The following FHIT variants were observed in gnomAD, a reference collection of about 807,000 sequenced individuals.
FHIT encodes fragile histidine triad diadenosine triphosphatase.
A neutral mutation model predicts 17.9 loss-of-function variants in FHIT; 19 were observed. That is an observed-to-expected ratio of 1.06 (90% CI 0.74 to 1.56). FHIT has a LOEUF of 1.56. Ranked by LOEUF, FHIT falls within the 40% of genes most tolerant of loss-of-function variation. FHIT has a pLI of 0.00. For missense variants in FHIT, 248 were observed against 189.2 expected, an observed-to-expected ratio of 1.31 and a Z score of -1.82; for synonymous variants, 81 against 69.7, an observed-to-expected ratio of 1.16 and a Z score of -0.81.
intron 3 of FHIT, among the ~76,000 whole-genome samples, chr3:61,002,322 G>A (rs2031148835): frequency 6.6e-6 from 1 of 152,302 alleles, no homozygotes; most frequent in South Asian, 2.1e-4. Context: ...GGAGTGCAGT[G>A]GCCCAAGCAC....
At chr3:60,845,584 G>A (rs1004481455) in intron 3 of FHIT, among the ~76,000 whole-genome samples, 16 of 152,078 alleles carry the variant, frequency 1.1e-4, no homozygotes, top group Non-Finnish European at 1.8e-4. Context: ...TTTCACTTGC[G>A]ATGCTATCTT....
chr3:60,097,159 T>C (rs1366431496), intron 5 of FHIT, among the ~76,000 whole-genome samples: 1 of 151,828 alleles, frequency 6.6e-6, no homozygotes, highest in Admixed American at 6.6e-5. Context: ...ACCCCCAAAT[T>C]TTAGTCCAGT....
chr3:60,084,072 T>A (rs889389119), intron 5 of FHIT, among the ~76,000 whole-genome samples: 1 of 152,230 alleles, frequency 6.6e-6, no homozygotes, highest in African/African-American at 2.4e-5. Flanking sequence ...TCACTTTTTT[T>A]AACAAAATAT....
intron 5 of FHIT, among the ~76,000 whole-genome samples, chr3:60,439,824 CAAGTGTCTTTGGGCTTGTTCAAAAGT>C (rs1292912413): frequency 6.6e-6 from 1 of 152,106 alleles, no homozygotes; most frequent in Non-Finnish European, 1.5e-5. Flanking sequence ...ACAAAAGATG[CAAGTGTCTTTGGGCTTGTTCAAAAGT>C]ACACCCCTTC....
chr3:60,406,073 G>C (rs550862154), intron 5 of FHIT, among the ~76,000 whole-genome samples: 1 of 152,288 alleles, frequency 6.6e-6, no homozygotes, highest in South Asian at 2.1e-4. Flanking sequence ...AAAGCCGCAT[G>C]TCTGCACATA....
At chr3:60,875,755 A>T (rs552938036) in intron 3 of FHIT, among the ~76,000 whole-genome samples, 2 of 152,238 alleles carry the variant, frequency 1.3e-5, no homozygotes, top group East Asian at 3.9e-4. Context: ...GATTATGATC[A>T]TTATCTCTAC....
At chr3:59,873,485 C>G (rs1418046199) in intron 8 of FHIT, among the ~76,000 whole-genome samples, 1 of 152,184 alleles carries the variant, frequency 6.6e-6, no homozygotes, top group African/African-American at 2.4e-5. Flanking sequence ...CAGCACAGCC[C>G]CATTCTAATT....
At position 61,048,511 on chromosome 3, in the gene FHIT, C is replaced by A. The variant is rs542458440; in HGVS notation, c.-163-6412G>T. On this transcript the variant is annotated intron_variant, in intron 2 of 9. Coordinates refer to ENST00000492590, the MANE Select transcript of FHIT (RefSeq NM_002012.4). ...TGGAGAGGATGTGGAGAAATAGGAA[C>A]ACTTTTACACTGCTGGTGGGACTGT... 3.2e-4 allele frequency among the ~76,000 whole-genome samples: 48 copies of A among 152,290 alleles called. No individual in the cohort carries two copies. In the East Asian group the frequency reaches 8.5e-3, roughly 27 times the overall value.
At chr3:61,071,067 AAT>A (rs1246476201) in intron 2 of FHIT, among the ~76,000 whole-genome samples, 2 of 152,334 alleles carry the variant, frequency 1.3e-5, no homozygotes, top group Non-Finnish European at 2.9e-5. Flanking sequence ...GGTTTTTCTC[AAT>A]ATCTTATATG....
At chr3:60,768,021 G>T (rs1222735828) in intron 4 of FHIT, among the ~76,000 whole-genome samples, 1 of 152,004 alleles carries the variant, frequency 6.6e-6, no homozygotes, top group African/African-American at 2.4e-5. Flanking sequence ...CCTGAAGAAG[G>T]AAAAAAATAA....
chr3:60,297,087 C>T (rs1708247687), intron 5 of FHIT, among the ~76,000 whole-genome samples: 2 of 151,970 alleles, frequency 1.3e-5, no homozygotes, highest in Non-Finnish European at 2.9e-5. Flanking sequence ...TAATTCCTAC[C>T]ACCTTATTCT....
At chr3:60,500,143 C>T (rs1275906709) in intron 5 of FHIT, among the ~76,000 whole-genome samples, 1 of 152,178 alleles carries the variant, frequency 6.6e-6, no homozygotes, top group Admixed American at 6.5e-5. Flanking sequence ...TAGAGCCAAA[C>T]CTGCCTGATA....
chr3:60,871,418 A>T (rs1368566857), intron 3 of FHIT, among the ~76,000 whole-genome samples: 2 of 152,092 alleles, frequency 1.3e-5, no homozygotes, highest in Admixed American at 1.3e-4. Context: ...GAACTCACCA[A>T]CCTATAGTGC....
intron 4 of FHIT, among the ~76,000 whole-genome samples, chr3:60,759,461 T>C (rs1553719148): frequency 6.6e-6 from 1 of 152,156 alleles, no homozygotes; most frequent in Non-Finnish European, 1.5e-5. Flanking sequence ...AACATCAGTA[T>C]TTAACCTTGA....
At chr3:61,097,012 G>C (rs1023024223) in intron 2 of FHIT, among the ~76,000 whole-genome samples, 20 of 151,480 alleles carry the variant, frequency 1.3e-4, no homozygotes, top group Non-Finnish European at 1.9e-4. Context: ...CTGGGAGGGG[G>C]AGGCTGCTGT....
chr3:60,796,156 C>A (rs1170495858), intron 4 of FHIT, among the ~76,000 whole-genome samples: 5 of 152,242 alleles, frequency 3.3e-5, no homozygotes, highest in Non-Finnish European at 7.4e-5. Flanking sequence ...TCAATTACCT[C>A]CCCCTAGGTA....
chr3:59,908,702 C>T (rs905206952), intron 8 of FHIT, among the ~76,000 whole-genome samples: 15 of 151,942 alleles, frequency 9.9e-5, no homozygotes, highest in Non-Finnish European at 2.9e-5. Context: ...GATTATAAGC[C>T]AGAATATGAC....
intron 5 of FHIT, among the ~76,000 whole-genome samples, chr3:60,393,263 G>A (rs961923935): frequency 6.6e-6 from 1 of 151,914 alleles, no homozygotes; most frequent in Non-Finnish European, 1.5e-5. Context: ...AGTTTATGTT[G>A]AGGAAATAAA....
chr3:60,983,738 A>C (rs1710594152), intron 3 of FHIT, among the ~76,000 whole-genome samples: 1 of 152,172 alleles, frequency 6.6e-6, no homozygotes, highest in Non-Finnish European at 1.5e-5. Flanking sequence ...GTCCAAATGT[A>C]GTGTTTGAGG....
Sources: gnomAD v4.1 joint callset for allele counts (sites outside exome capture counted in the v4.1 genomes callset) on GRCh38, gnomAD v4.1.1 for gene constraint, MANE v1.5 for transcripts, NCBI Gene and HGNC (gene_info 2026-07-23, HGNC 2026-07-21) for gene names.